The following CSMD1 variants were observed in gnomAD, a reference collection of about 807,000 sequenced individuals.
CSMD1 encodes CUB and Sushi multiple domains 1.
Under a neutral mutation model 417.5 loss-of-function variants are expected in CSMD1, and 213 were observed. The observed-to-expected ratio is 0.51, with a 90% CI of 0.46 to 0.57. The LOEUF is 0.57. CSMD1 is among the 20% of genes least tolerant of loss of function. The pLI, the probability that CSMD1 is intolerant of heterozygous loss-of-function variation, is 0.00. For missense variants in CSMD1, 6,923 were observed against 4,529.7 expected (o/e 1.53, Z -15.17); for synonymous variants, 2,862 against 1,736.8 (o/e 1.65, Z -16.11).
chr8:4,545,966 C>A (rs1688738817), intron 2 of CSMD1, among the ~76,000 whole-genome samples: 1 of 151,002 alleles, frequency 6.6e-6, no homozygotes, highest in Non-Finnish European at 1.5e-5. Flanking sequence ...TCCCATGTCG[C>A]CTGAATCCCC....
chr8:3,772,396 C>CATATATTCATGTATTTATATATAT, intron 5 of CSMD1, among the ~76,000 whole-genome samples: 1 of 68,410 alleles, frequency 1.5e-5, no homozygotes, highest in South Asian at 4.5e-4. Flanking sequence ...TTTATATATA[C>CATATATTCATGTATTTATATATAT]ACATATATAC....
chr8:4,467,920 G>T (rs1322152567), intron 2 of CSMD1, among the ~76,000 whole-genome samples: 3 of 152,150 alleles, frequency 2.0e-5, no homozygotes, highest in African/African-American at 7.2e-5. Flanking sequence ...GATCCAAACA[G>T]TTGGAATTCC....
In CSMD1 at chr8:3,270,046, C is replaced by CTTTTTT. The variant is rs200994813; in HGVS notation, c.4153+14092_4153+14097dup. 2.9e-3 allele frequency among the ~76,000 whole-genome samples: 339 copies of CTTTTTT among 118,328 alleles called. 9 individuals carry two copies. Among genetic ancestry groups the CTTTTTT allele is most frequent in the Middle Eastern group, 4.9e-3 (1 of 204 alleles). 77.6% of individuals were successfully genotyped at this position (118,328 alleles called of 152,430 possible). A position where few individuals can be genotyped will look rare whatever the true frequency, so the allele number is the denominator to read the frequency against. On this transcript the variant is annotated intron_variant, in intron 26 of 69. Coordinates refer to ENST00000635120, the MANE Select transcript of CSMD1 (RefSeq NM_033225.6). The stretch of plus-strand genomic sequence containing the variant: ...GAGCAAGGACTTTCTCTAACCTCTT[C>CTTTTTT]TTTTTTTTTTTTTTTTTTTTTGAGA...
intron 12 of CSMD1, among the ~76,000 whole-genome samples, chr8:3,437,853 T>C (rs1814673936): frequency 6.6e-6 from 1 of 151,910 alleles, no homozygotes; most frequent in African/African-American, 2.4e-5. Flanking sequence ...GTTCAAGCAA[T>C]TCTCTTGTTT....
At chr8:4,372,339 G>A (rs767303222) in intron 3 of CSMD1, among the ~76,000 whole-genome samples, 1 of 152,146 alleles carries the variant, frequency 6.6e-6, no homozygotes, top group African/African-American at 2.4e-5. Context: ...TAAAAGTGAA[G>A]GAGGAACGCT....
At chr8:4,107,268 G>C (rs922476871) in intron 3 of CSMD1, among the ~76,000 whole-genome samples, 33 of 152,250 alleles carry the variant, frequency 2.2e-4, no homozygotes, top group African/African-American at 7.7e-4. Context: ...GATTCAAAGT[G>C]CTTGCCATTT....
chr8:3,305,574 G>C (rs965830608), intron 25 of CSMD1, among the ~76,000 whole-genome samples: 2 of 151,206 alleles, frequency 1.3e-5, no homozygotes, highest in Non-Finnish European at 3.0e-5. Context: ...GTACTTCCTT[G>C]CTATGTGATG....
intron 11 of CSMD1, among the ~76,000 whole-genome samples, chr8:3,489,434 C>T (rs1017577118): frequency 6.6e-6 from 1 of 152,148 alleles, no homozygotes; most frequent in Non-Finnish European, 1.5e-5. Flanking sequence ...CCCCTGGTTA[C>T]CAATGGCTAA....
At chr8:3,239,284 C>G (rs974697723) in intron 26 of CSMD1, among the ~76,000 whole-genome samples, 1 of 152,050 alleles carries the variant, frequency 6.6e-6, no homozygotes, top group Non-Finnish European at 1.5e-5. Flanking sequence ...TAATAAAGGC[C>G]GGTCTGCTAT....
At chr8:4,085,871 G>A (rs1049249570) in intron 3 of CSMD1, among the ~76,000 whole-genome samples, 1 of 152,160 alleles carries the variant, frequency 6.6e-6, no homozygotes, top group Admixed American at 6.5e-5. Flanking sequence ...TATCCGGGCT[G>A]TATTATTATT....
intron 2 of CSMD1, among the ~76,000 whole-genome samples, chr8:4,608,148 A>G (rs1431056281): frequency 1.3e-5 from 2 of 152,142 alleles, no homozygotes; most frequent in Admixed American, 1.3e-4. Flanking sequence ...GGGAGGCATT[A>G]GAGGGGACCC....
intron 3 of CSMD1, among the ~76,000 whole-genome samples, chr8:4,214,126 TTTG>T (rs1232902284): frequency 6.9e-6 from 1 of 145,322 alleles, no homozygotes; most frequent in African/African-American, 2.9e-5. Context: ...TTTTGTTTGT[TTTG>T]TTTTGGCTTA....
rs898925527 is a variant in CSMD1, at chr8:4,172,642, G to C, written c.416-140543C>G. 3.3e-5 allele frequency among the ~76,000 whole-genome samples: 5 copies of C among 152,092 alleles called. No individual in the cohort carries two copies. The South Asian group carries it at 1.0e-3, about 32-fold the overall frequency. ...ACCCTCCTGGTATTTATGAACTCCT[G>C]CGGTCCTCCCTTAAATATGGGCTGG... On this transcript the variant is annotated intron_variant, in intron 3 of 69. Coordinates refer to ENST00000635120, the MANE Select transcript of CSMD1 (RefSeq NM_033225.6).
intron 1 of CSMD1, among the ~76,000 whole-genome samples, chr8:4,976,314 G>A (rs1253961385): frequency 1.3e-5 from 2 of 152,172 alleles, no homozygotes; most frequent in Non-Finnish European, 2.9e-5. Context: ...TACCTCAGAA[G>A]TTGCAGCTGT....
At chr8:3,495,786 G>A (rs1042301492) in intron 10 of CSMD1, among the ~76,000 whole-genome samples, 7 of 152,160 alleles carry the variant, frequency 4.6e-5, no homozygotes, top group African/African-American at 1.2e-4. Context: ...CAACTTTAAT[G>A]ACATTGAGCC....
chr8:4,703,592 G>A (rs977353136), intron 1 of CSMD1, among the ~76,000 whole-genome samples: 1 of 152,004 alleles, frequency 6.6e-6, no homozygotes, highest in Non-Finnish European at 1.5e-5. Context: ...AAAACACTTT[G>A]GTGTTAAGGA....
At chr8:3,215,815 C>G (rs1019886412) in intron 29 of CSMD1, among the ~76,000 whole-genome samples, 1 of 151,834 alleles carries the variant, frequency 6.6e-6, no homozygotes, top group African/African-American at 2.4e-5. Flanking sequence ...AACAAAAATG[C>G]TAAACTTTGG....
intron 1 of CSMD1, among the ~76,000 whole-genome samples, chr8:4,798,543 G>C (rs1798108941): frequency 6.6e-6 from 1 of 152,102 alleles, no homozygotes; most frequent in Non-Finnish European, 1.5e-5. Context: ...CTGACAACTA[G>C]TCACAGGCAA....
chr8:4,243,214 G>A (rs995203038), intron 3 of CSMD1, among the ~76,000 whole-genome samples: 9 of 151,902 alleles, frequency 5.9e-5, no homozygotes, highest in African/African-American at 2.2e-4. Context: ...AGAGCGATTG[G>A]CTATTAGGAG....
Sources: gnomAD v4.1 joint callset for allele counts (sites outside exome capture counted in the v4.1 genomes callset) on GRCh38, gnomAD v4.1.1 for gene constraint, MANE v1.5 for transcripts, NCBI Gene and HGNC (gene_info 2026-07-23, HGNC 2026-07-21) for gene names.